DYRK4: variants seen among roughly 807,000 people sequenced by gnomAD.
The protein encoded by DYRK4 is dual specificity tyrosine-phosphorylation-regulated kinase 4.
In DYRK4, 64 loss-of-function variants were observed where a neutral mutation model predicts 68.3. That is an observed-to-expected ratio of 0.94 (90% CI 0.77 to 1.15). The LOEUF (loss-of-function observed/expected upper bound fraction) is 1.15, where lower values mean the gene tolerates loss of function less well. Ranked by LOEUF, DYRK4 falls within the 50% of genes most tolerant of loss-of-function variation. The pLI is 0.00. For synonymous variants in DYRK4, 274 were observed against 289.9 expected (o/e 0.95, Z 0.56); for missense variants, 740 against 764.7 (o/e 0.97, Z 0.38).
At position 4,598,436 on chromosome 12, in the gene DYRK4, G is replaced by A. The variant is rs569114708; in HGVS notation, c.906-592G>A. On this transcript the variant is annotated intron_variant, in intron 8 of 14. Transcript: ENST00000543431. ...GTATTAATATTAGTTTCTAACATTC[G>A]TAAGTCTGTAGACTTCATATAATAT... Among the ~76,000 whole-genome samples the A allele has an allele frequency of 3.3e-5, 5 of 152,266 alleles. No individual in the cohort carries two copies. The East Asian group carries it at 5.8e-4, about 18-fold the overall frequency.
In DYRK4 at chr12:4,604,780, C is replaced by T. The variant is rs2286577; in HGVS notation, c.1127-134C>T. 8.2e-6 allele frequency: 9 copies of T among 1,093,904 alleles called. No homozygotes were observed. The East Asian group carries it at 1.5e-4, about 18-fold the overall frequency. The allele number at this position is 1,093,904 out of a possible 1,614,324, so 67.8% of individuals were successfully genotyped here. A position where few individuals can be genotyped will look rare whatever the true frequency, so the allele number is the denominator to read the frequency against. ...ATGCTGTGATGGTGTAATGGGAGTTCTAAGTGCTGGCCAGCTGCACTTCCC... is the reference window on the plus strand; with the variant it reads ...ATGCTGTGATGGTGTAATGGGAGTTTTAAGTGCTGGCCAGCTGCACTTCCC... On this transcript the variant is annotated intron_variant, in intron 10 of 14. Coordinates refer to ENST00000543431, the MANE Select transcript of DYRK4 (RefSeq NM_001394779.1).
Position 4,588,924 on chromosome 12 carries a change from C to T in DYRK4, c.133-13C>T, listed in dbSNP as rs563892459. 1.2e-5 allele frequency: 18 copies of T among 1,535,676 alleles called. No individual in the cohort carries two copies. The South Asian group carries it at 2.0e-4, about 17-fold the overall frequency. On this transcript the variant is annotated splice_polypyrimidine_tract_variant and intron_variant, in intron 2 of 14. Transcript: ENST00000543431. ...TGCCAAGCATTGTTCCTATTTTCTT[C>T]CACTTGATCCAGGTTGGAAGTAAAC...
In DYRK4 at chr12:4,596,254, G is replaced by A. The variant is rs142320223; in HGVS notation, c.733G>A (p.Val245Met). The change falls in exon 7 of 15, where the codon GTG (valine) becomes ATG (methionine). Residue 245 changes from valine (V) to methionine (M), a missense_variant. By Grantham distance (21) the Val-to-Met change is conservative (BLOSUM62 1). Coordinates refer to ENST00000543431, the MANE Select transcript of DYRK4 (RefSeq NM_001394779.1). ...CTTGGATCACAAAAACAATGAGCTG[G>A]TGGCCCTGAAAATCATCAGGAACAA... is the stretch of plus-strand genomic sequence containing the variant. ...KCLDHKNNELVALKIIRNKKR... is the reference protein window; with the variant it reads ...KCLDHKNNELMALKIIRNKKR... 2.8e-5 allele frequency: 46 copies of A among 1,614,182 alleles called. No individual in the cohort carries two copies. The East Asian group carries it at 9.8e-4, about 34-fold the overall frequency.
intron 10 of DYRK4, chr12:4,603,228 G>A (rs1311141001): frequency 2.0e-6 from 2 of 1,016,702 alleles, no homozygotes; most frequent in Non-Finnish European, 3.1e-6. Flanking sequence ...GGATCAGAAA[G>A]CTGTTTGCTG....
At chr12:4,606,439 T>C (rs746741334) in intron 11 of DYRK4, among the ~76,000 whole-genome samples, 23 of 152,178 alleles carry the variant, frequency 1.5e-4, no homozygotes, top group East Asian at 1.9e-4. Context: ...CATTTCATGA[T>C]CGAAACTAAT....
At position 4,591,369 on chromosome 12, in the gene DYRK4, G is replaced by T. The variant is rs1043309080; in HGVS notation, c.463+71G>T. 6.4e-7 allele frequency: 1 copy of T among 1,553,150 alleles called. No homozygotes were observed. The highest frequency in any genetic ancestry group is 8.7e-7 in the Non-Finnish European group (1 of 1,151,462). On this transcript the variant is annotated intron_variant, in intron 5 of 14. Coordinates refer to ENST00000543431, the MANE Select transcript of DYRK4 (RefSeq NM_001394779.1). The surrounding 1 kb of genome is among the most constrained non-coding windows in gnomAD (Gnocchi z 4.1). ...GTCGGGGTGTTAAGAGCTAAGCTGC[G>T]CTGGAGTGAGCTAAGCTGCCAGGTG...
intron 1 of DYRK4, among the ~76,000 whole-genome samples, chr12:4,567,005 T>C (rs1022955942): frequency 6.6e-6 from 1 of 152,242 alleles, no homozygotes; most frequent in African/African-American, 2.4e-5. Flanking sequence ...TGGGCACATA[T>C]AAAGATCTAT....
chr12:4,602,976 C>G, intron 10 of DYRK4: 5 of 884,798 alleles, frequency 5.7e-6, no homozygotes, highest in Non-Finnish European at 9.0e-6. Flanking sequence ...AATTTTCACT[C>G]CCTTTTATCA....
At chr12:4,600,979 G>A (rs1188034007) in intron 10 of DYRK4, among the ~76,000 whole-genome samples, 2 of 152,002 alleles carry the variant, frequency 1.3e-5, no homozygotes, top group Non-Finnish European at 2.9e-5. Flanking sequence ...AACAAAGAGA[G>A]TCCTATCACC....
chr12:4,586,095 C>T (rs1403467155), intron 2 of DYRK4, among the ~76,000 whole-genome samples: 2 of 152,138 alleles, frequency 1.3e-5, no homozygotes, highest in African/African-American at 4.8e-5. Context: ...TGGTGGCATG[C>T]ACCTGTAGTC....
At chr12:4,606,316 AT>A (rs1262396956) in intron 11 of DYRK4, among the ~76,000 whole-genome samples, 1 of 152,112 alleles carries the variant, frequency 6.6e-6, no homozygotes, top group Admixed American at 6.5e-5. Context: ...CTATCTATCT[AT>A]CTATCTATGT....
intron 9 of DYRK4, 104 bp downstream of exon 9, chr12:4,599,270 C>CTTTTTTTTTTTTTTTTTTTTTTT (rs71061195): frequency 2.6e-6 from 1 of 387,720 alleles, no homozygotes. Context: ...TTGCCTTTGA[C>CTTTTTTTTTTTTTTTTTTTTTTT]TTTTTTTTTT....
At chr12:4,611,338 G>A (rs1317454691) in intron 13 of DYRK4, among the ~76,000 whole-genome samples, 2 of 152,168 alleles carry the variant, frequency 1.3e-5, no homozygotes. Flanking sequence ...GAAACCAACT[G>A]CTGAGACAGA....
intron 6 of DYRK4, 89 bp downstream of exon 6, chr12:4,593,254 T>A: frequency 6.8e-7 from 1 of 1,461,218 alleles, no homozygotes; most frequent in Non-Finnish European, 9.2e-7. Flanking sequence ...TTTTGTAGTA[T>A]TTGGGGCTGA....
intron 2 of DYRK4, among the ~76,000 whole-genome samples, chr12:4,587,116 A>G (rs1565536227): frequency 6.6e-6 from 1 of 152,180 alleles, no homozygotes. Flanking sequence ...TGCCAGCTAT[A>G]CAAATTGTTA....
chr12:4,573,996 C>T (rs893674841), intron 2 of DYRK4, among the ~76,000 whole-genome samples: 23 of 151,998 alleles, frequency 1.5e-4, no homozygotes, highest in Admixed American at 3.3e-4. Context: ...GAGGCCAAGG[C>T]GGGTGGATCA....
At position 4,599,093 on chromosome 12, in the gene DYRK4, G is replaced by A. The variant is rs200170020; in HGVS notation, c.971G>A (p.Arg324His). The part of the protein sequence containing the change: ...FQGFSLSIVR[R>H]FTLSVLKCLQ... Reference sequence around the variant, plus strand: ...GGCTTCAGTCTGTCCATAGTTCGGCGCTTCACTCTCTCTGTTTTGAAGTGC... The same window carrying A: ...GGCTTCAGTCTGTCCATAGTTCGGCACTTCACTCTCTCTGTTTTGAAGTGC... Residue 324 changes from arginine (R) to histidine (H), a missense_variant, in exon 9 of 15, where the codon CGC (arginine) becomes CAC (histidine). Transcript: ENST00000543431. The A allele has an allele frequency of 9.3e-6, 15 of 1,613,866 alleles. No individual in the cohort carries two copies. Among genetic ancestry groups the A allele is most frequent in the South Asian group, 3.3e-5 (3 of 91,074 alleles).
chr12:4,604,935 G>T lies in DYRK4; in HGVS notation c.1148G>T (p.Arg383Leu), dbSNP rs771528443. The T allele has an allele frequency of 6.2e-7, 1 of 1,610,632 alleles. No homozygotes were observed. Among genetic ancestry groups the T allele is most frequent in the African/African-American group, 1.3e-5 (1 of 74,782 alleles). ...GCAGTATACACGTACATCCAAAGCC[G>T]GTTCTACCGATCCCCAGAAGTGATC... is the stretch of plus-strand genomic sequence containing the variant. The part of the protein sequence containing the change: ...HQKVYTYIQS[R>L]FYRSPEVILG... Residue 383 changes from arginine to leucine, a missense_variant, in exon 11 of 15, where the codon CGG (arginine) becomes CTG (leucine). Arg to Leu is a moderately radical substitution (Grantham distance 102). Around this residue, in one of 3 missense-constraint regions of DYRK4, gnomAD observed 614 missense variants for 603.7 expected, o/e 1.02. Transcript: ENST00000543431.
chr12:4,562,496 C>T (rs1003252450), intron 1 of DYRK4, among the ~76,000 whole-genome samples: 34 of 152,312 alleles, frequency 2.2e-4, no homozygotes, highest in African/African-American at 7.5e-4. Flanking sequence ...CCCCGGAATC[C>T]GACGTCAGTA....
Sources: gnomAD v4.1 joint callset for allele counts (sites outside exome capture counted in the v4.1 genomes callset) on GRCh38, gnomAD v4.1.1 for gene constraint, gnomAD v4.1.1 regional missense constraint, Gnocchi (gnomAD v3.1) non-coding constraint, MANE v1.5 for transcripts, NCBI Gene and HGNC (gene_info 2026-07-23, HGNC 2026-07-21) for gene names.